The following SULT1B1 variants were observed in gnomAD, a reference collection of about 807,000 sequenced individuals.
The protein encoded by SULT1B1 is sulfotransferase family 1B member 1.
Under a neutral mutation model 34.6 loss-of-function variants are expected in SULT1B1, and 28 were observed. The observed-to-expected ratio is 0.81, with a 90% CI of 0.60 to 1.11. The LOEUF (loss-of-function observed/expected upper bound fraction) is 1.11, where lower values mean the gene tolerates loss of function less well. SULT1B1 is among the 50% of genes least tolerant of loss of function. The probability of loss-of-function intolerance (pLI) is 0.00; values close to 1 mark genes in which losing one functional copy is unlikely to be tolerated. For synonymous variants in SULT1B1, 147 were observed against 110.2 expected (o/e 1.33, Z -2.09); for missense variants, 374 against 352.2 (o/e 1.06, Z -0.50).
intron 6 of SULT1B1, among the ~76,000 whole-genome samples, chr4:69,732,927 G>A (rs1264102163): frequency 6.6e-6 from 1 of 151,986 alleles, no homozygotes; most frequent in African/African-American, 2.4e-5. Flanking sequence ...TGGAGAGAAA[G>A]AAAATAAGTT....
rs993751302 is a variant in SULT1B1 at position 69,725,066 on chromosome 4, C to T, written c.*2022G>A. ...AGCTTCTGCACAGCAAAAGAAACTA[C>T]CATCAGCGTGAACAGGCAACCTACA... On this transcript the variant is annotated 3_prime_UTR_variant, in exon 8 of 8. Transcript: ENST00000310613. 2.0e-5 allele frequency: 3 copies of T among 147,120 alleles called. No individual in the cohort carries two copies. Among genetic ancestry groups the T allele is most frequent in the Admixed American group, 6.6e-5 (1 of 15,134 alleles). The allele number at this position is 147,120 out of a possible 1,614,324, so 9.1% of individuals were successfully genotyped here.
intron 4 of SULT1B1, among the ~76,000 whole-genome samples, chr4:69,735,200 G>T (rs1718254353): frequency 6.6e-6 from 1 of 152,142 alleles, no homozygotes; most frequent in Non-Finnish European, 1.5e-5. Context: ...ACTGGACAAA[G>T]AGCTGAGTAA....
chr4:69,749,884 G>C, intron 3 of SULT1B1, 66 bp from the exon 4 acceptor site: 1 of 1,220,106 alleles, frequency 8.2e-7, no homozygotes, highest in Non-Finnish European at 1.2e-6. Flanking sequence ...TCCTTATTTT[G>C]CCAACCAGTT....
intron 4 of SULT1B1, among the ~76,000 whole-genome samples, chr4:69,746,158 C>A (rs999263009): frequency 2.6e-5 from 4 of 152,168 alleles, no homozygotes; most frequent in African/African-American, 9.7e-5. Context: ...ACATTGACCT[C>A]GGCGATCCTC....
chr4:69,733,546 C>T, intron 5 of SULT1B1, 39 bp from the exon 6 acceptor site: 1 of 1,406,922 alleles, frequency 7.1e-7, no homozygotes, highest in Non-Finnish European at 9.7e-7. Flanking sequence ...AAACATTCAT[C>T]AAATTAAATA....
intron 1 of SULT1B1, chr4:69,758,573 A>G: frequency 1.5e-6 from 1 of 657,314 alleles, no homozygotes; most frequent in Non-Finnish European, 1.9e-6. Flanking sequence ...GTCTCTATTC[A>G]TCGGCTCCAG....
In SULT1B1 at chr4:69,722,600, A is replaced by C. The variant is rs1226801203; in HGVS notation, c.*4488T>G. The C allele has an allele frequency of 3.3e-5, 5 of 152,176 alleles. No individual in the cohort carries two copies. The highest frequency in any genetic ancestry group is 7.4e-5 in the Non-Finnish European group (5 of 68,024). The allele number at this position is 152,176 out of a possible 1,614,324, so 9.4% of individuals were successfully genotyped here. On this transcript the variant is annotated 3_prime_UTR_variant, in exon 8 of 8. Transcript: ENST00000310613. ...TATATACTCTAAAATACTTTATAAA[A>C]CATATTGTAATAAATCTATAGAAGC...
At chr4:69,755,326 A>ATTTTAC in intron 1 of SULT1B1, 65 bp from the exon 2 acceptor site, 1 of 1,266,012 alleles carries the variant, frequency 7.9e-7, no homozygotes. Flanking sequence ...AGACACTGCA[A>ATTTTAC]TTTGTCACAA....
rs1560515946 is a variant in SULT1B1, at chr4:69,721,705, G to C, written c.*5383C>G. ...AAGGGAATACATGACACTTCCCTTT[G>C]AATGTATGAATCTGAGTGTCTATCC... On this transcript the variant is annotated 3_prime_UTR_variant, in exon 8 of 8. Transcript: ENST00000310613. 6.6e-6 allele frequency: 1 copy of C among 152,114 alleles called. No individual in the cohort carries two copies. The highest frequency in any genetic ancestry group is 1.5e-5 in the Non-Finnish European group (1 of 67,994). The allele number at this position is 152,114 out of a possible 1,614,324, so 9.4% of individuals were successfully genotyped here.
intron 1 of SULT1B1, among the ~76,000 whole-genome samples, chr4:69,757,694 G>T (rs540689289): frequency 6.6e-6 from 1 of 151,876 alleles, no homozygotes; most frequent in East Asian, 1.9e-4. Flanking sequence ...ATCATTCATG[G>T]GTTTTACAGA....
At chr4:69,752,236 C>G (rs967435378) in intron 3 of SULT1B1, among the ~76,000 whole-genome samples, 1 of 151,964 alleles carries the variant, frequency 6.6e-6, no homozygotes, top group Admixed American at 6.6e-5. Context: ...GTCTAATTTT[C>G]TTTTTTAAAT....
At chr4:69,759,585 C>T (rs958433025) in intron 1 of SULT1B1, among the ~76,000 whole-genome samples, 6 of 152,096 alleles carry the variant, frequency 3.9e-5, no homozygotes, top group African/African-American at 1.2e-4. Flanking sequence ...AGCATTACCT[C>T]GTCATGACCA....
At position 69,734,142 on chromosome 4, in the gene SULT1B1, T is replaced by G. The variant is rs1180803829; in HGVS notation, c.498A>C (p.Gly166=). ...WEEYLEKFLT[G]KVAYGSWFTH... ...TTTAAGATAAAGTCCACATACCTTT[T>G]CCAGTTAAGAATTTCTCCAGATATT... is the stretch of plus-strand genomic sequence containing the variant. The change falls in exon 5 of 8, where the codon GGA becomes GGC. Residue 166 remains glycine, a synonymous_variant. Coordinates refer to ENST00000310613, the MANE Select transcript of SULT1B1 (RefSeq NM_014465.4). 8.1e-6 allele frequency: 13 copies of G among 1,608,268 alleles called. No individual in the cohort carries two copies. Among genetic ancestry groups the G allele is most frequent in the Non-Finnish European group, 1.1e-5 (13 of 1,177,060 alleles).
At chr4:69,743,099 G>A (rs762266470) in intron 4 of SULT1B1, among the ~76,000 whole-genome samples, 1 of 152,276 alleles carries the variant, frequency 6.6e-6, no homozygotes, top group Middle Eastern at 3.4e-3. Context: ...TGTCTTTCTT[G>A]TCACACACAA....
chr4:69,747,008 C>T lies in SULT1B1; in HGVS notation c.375+2713G>A, dbSNP rs960793625. Among the ~76,000 whole-genome samples the T allele has an allele frequency of 5.3e-5, 8 of 152,274 alleles. No individual in the cohort carries two copies. In the South Asian group the frequency reaches 6.2e-4, roughly 12 times the overall value. On this transcript the variant is annotated intron_variant, in intron 4 of 7. Coordinates refer to ENST00000310613, the MANE Select transcript of SULT1B1 (RefSeq NM_014465.4). The stretch of plus-strand genomic sequence containing the variant: ...TCCAGGGCTATGTGCTCTGTCTCTA[C>T]GGGGCTAGAGCGAGAACCTTTGCTT...
At chr4:69,749,670 G>C in intron 4 of SULT1B1, 51 bp downstream of exon 4, 1 of 1,294,878 alleles carries the variant, frequency 7.7e-7, no homozygotes, top group South Asian at 1.2e-5. Context: ...TATGTGAGTG[G>C]GTAAAGGGAT....
rs1220508406 is a variant in SULT1B1 at position 69,725,420 on chromosome 4, G to T, written c.*1668C>A. On this transcript the variant is annotated 3_prime_UTR_variant, in exon 8 of 8. Transcript: ENST00000310613. ...AAATAGGAACACTTTTACACTTTTG[G>T]TGGGAGTGTAAACTAGTTCAACCAT... 1 of 152,188 alleles carries T rather than the reference G, an allele frequency of 6.6e-6. No individual in the cohort carries two copies. The highest frequency in any genetic ancestry group is 1.5e-5 in the Non-Finnish European group (1 of 68,034). 9.4% of individuals were successfully genotyped at this position (152,188 alleles called of 1,614,324 possible).
intron 4 of SULT1B1, among the ~76,000 whole-genome samples, chr4:69,745,669 C>T (rs2110026304): frequency 6.6e-6 from 1 of 152,254 alleles, no homozygotes; most frequent in Non-Finnish European, 1.5e-5. Context: ...TCCAACTTGC[C>T]AGTCTGTGCC....
chr4:69,730,457 A>G, intron 7 of SULT1B1, 44 bp downstream of exon 7: 5 of 1,543,452 alleles, frequency 3.2e-6, no homozygotes, highest in Non-Finnish European at 4.4e-6. Context: ...ATGATAATTC[A>G]TAAGAAAGTA....
Sources: gnomAD v4.1 joint callset for allele counts (sites outside exome capture counted in the v4.1 genomes callset) on GRCh38, gnomAD v4.1.1 for gene constraint, MANE v1.5 for transcripts, NCBI Gene and HGNC (gene_info 2026-07-23, HGNC 2026-07-21) for gene names.